The following RP1 variants were observed in gnomAD, a reference collection of about 807,000 sequenced individuals.
RP1 encodes the protein RP1 axonemal microtubule associated, also known as oxygen-regulated protein 1.
RP1 carries 16 observed loss-of-function variants against 14.8 expected under a neutral mutation model. The ratio of observed to expected loss-of-function variants is 1.08; its 90% CI spans 0.73 to 1.65. The LOEUF (loss-of-function observed/expected upper bound fraction) is 1.65. Ranked by LOEUF, RP1 falls within the 40% of genes most tolerant of loss-of-function variation. The pLI, the probability that RP1 is intolerant of heterozygous loss-of-function variation, is 0.00. For synonymous variants in RP1, 876 were observed against 883.6 expected, an observed-to-expected ratio of 0.99 and a Z score of 0.15; for missense variants, 2,631 against 2,535.0, an observed-to-expected ratio of 1.04 and a Z score of -0.81.
exon 7 of RP1, chr8:54,663,794 A>G (rs1412053068): frequency 2.0e-6 from 3 of 1,535,318 alleles, no homozygotes; most frequent in Non-Finnish European, 1.7e-6. Context: ...AAAGGGAGAT[A>G]CAGGATCCAG....
intron 24 of RP1, among the ~76,000 whole-genome samples, chr8:54,785,517 C>T (rs1810296612): frequency 6.6e-6 from 1 of 151,462 alleles, no homozygotes; most frequent in African/African-American, 2.4e-5. Flanking sequence ...TATTGTTTCA[C>T]TATGTATGTA....
chr8:54,574,323 A>T (rs1804596658), intron 1 of RP1, among the ~76,000 whole-genome samples: 1 of 152,144 alleles, frequency 6.6e-6, no homozygotes, highest in African/African-American at 2.4e-5. Flanking sequence ...CCTGGTAGCA[A>T]AGGCCTTTCT....
At chr8:54,867,469 T>G (rs1481022793) in intron 28 of RP1, among the ~76,000 whole-genome samples, 6 of 152,140 alleles carry the variant, frequency 3.9e-5, no homozygotes. Context: ...GCACCAGATT[T>G]GGATTATAAT....
chr8:54,829,997 T>C (rs1207866863), intron 24 of RP1, among the ~76,000 whole-genome samples: 1 of 152,070 alleles, frequency 6.6e-6, no homozygotes, highest in East Asian at 1.9e-4. Context: ...AAAAAAAGAG[T>C]ATGTATTCTG....
chr8:54,857,113 T>C (rs1378583616), intron 27 of RP1: 5 of 1,200,030 alleles, frequency 4.2e-6, no homozygotes, highest in Non-Finnish European at 5.2e-6. Flanking sequence ...CCAGGTAAGA[T>C]TTAGTTTCTT....
chr8:54,596,467 AT>A (rs1166872104), intron 1 of RP1, among the ~76,000 whole-genome samples: 1 of 152,226 alleles, frequency 6.6e-6, no homozygotes, highest in African/African-American at 2.4e-5. Context: ...ATCTTCTCTT[AT>A]TCTGATCCCT....
intron 27 of RP1, among the ~76,000 whole-genome samples, chr8:54,858,862 A>G (rs1812268942): frequency 6.6e-6 from 1 of 152,104 alleles, no homozygotes; most frequent in African/African-American, 2.4e-5. Context: ...GTCGCTGTAG[A>G]GTGATGTCAC....
At chr8:54,582,567 G>A (rs895862389) in intron 1 of RP1, among the ~76,000 whole-genome samples, 16 of 151,952 alleles carry the variant, frequency 1.1e-4, no homozygotes, top group Non-Finnish European at 1.6e-4. Flanking sequence ...GATGGGGATG[G>A]CATTGAATCT....
rs555978020 is a variant in RP1, at chr8:54,704,711, A to G, written c.1999-1732A>G. 2.0e-5 allele frequency among the ~76,000 whole-genome samples: 3 copies of G among 152,346 alleles called. No homozygotes were observed. In the East Asian group the frequency reaches 5.8e-4, roughly 29 times the overall value. ...AACAAGGTATGTGTGTACTTACAGT[A>G]TAATAAACACTTTCTCACATTACTA... On this transcript the variant is annotated intron_variant, in intron 14 of 22. Coordinates refer to the RP1 transcript ENST00000636932.
intron 1 of RP1, among the ~76,000 whole-genome samples, chr8:54,609,479 C>G (rs1472199719): frequency 6.6e-6 from 1 of 151,934 alleles, no homozygotes; most frequent in African/African-American, 2.4e-5. Flanking sequence ...AAACCGAAAC[C>G]AAAACAAAAC....
chr8:54,823,485 C>T (rs936207696), intron 24 of RP1, among the ~76,000 whole-genome samples: 6 of 152,072 alleles, frequency 3.9e-5, no homozygotes, highest in African/African-American at 1.4e-4. Context: ...CTTGTGGCAC[C>T]ACACCAGCTA....
At position 54,627,742 on chromosome 8, in the gene RP1, G is replaced by A. The variant is rs1806111985; in HGVS notation, c.3860G>A (p.Gly1287Asp). ...SDTFFPSDGY[G>D]VDQTSMNKAC... ...ACTTTTTTTCCTAGTGATGGTTATG[G>A]TGTGGATCAGACTTCTATGAATAAG... The change falls in exon 4 of 4, where the codon GGT (glycine) becomes GAT (aspartate). Residue 1287 changes from glycine (G) to aspartate (D), a missense_variant. Physicochemically the swap from Gly to Asp is moderately conservative, Grantham distance 94. Coordinates refer to ENST00000220676, the MANE Select transcript of RP1 (RefSeq NM_006269.2). The A allele has an allele frequency of 6.2e-7, 1 of 1,614,122 alleles. No individual in the cohort carries two copies. Among genetic ancestry groups the A allele is most frequent in the East Asian group, 2.2e-5 (1 of 44,892 alleles).
At chr8:54,569,822 A>G (rs1804482741) in intron 1 of RP1, among the ~76,000 whole-genome samples, 1 of 152,212 alleles carries the variant, frequency 6.6e-6, no homozygotes, top group South Asian at 2.1e-4. Context: ...ACATCATCAC[A>G]GACGACGTAC....
rs1809859000 is a variant in RP1, at chr8:54,769,836, A to G, written c.*23A>G. On this transcript the variant is annotated 3_prime_UTR_variant, in exon 23 of 23. Transcript: ENST00000636932. ...TGAAACCATCAGTAGAAGAAAGTACAAGATGATTTTGTTACATCTGGACAT... is the reference window on the plus strand; with the variant it reads ...TGAAACCATCAGTAGAAGAAAGTACGAGATGATTTTGTTACATCTGGACAT... 4 of 1,463,912 alleles carry G rather than the reference A, an allele frequency of 2.7e-6. No homozygotes were observed. In the South Asian group the frequency reaches 5.0e-5, roughly 18 times the overall value. 90.7% of individuals were successfully genotyped at this position (1,463,912 alleles called of 1,614,324 possible).
At chr8:54,715,914 G>A (rs1346433809) in intron 15 of RP1, among the ~76,000 whole-genome samples, 1 of 152,192 alleles carries the variant, frequency 6.6e-6, no homozygotes. Flanking sequence ...ATACGCCATA[G>A]TGTGCAAAGT....
intron 1 of RP1, among the ~76,000 whole-genome samples, chr8:54,559,796 G>A (rs1052599356): frequency 6.6e-6 from 1 of 152,118 alleles, no homozygotes; most frequent in Non-Finnish European, 1.5e-5. Flanking sequence ...CAGTTAGGAG[G>A]CTATGGAGAC....
At chr8:54,830,212 A>T (rs1811486360) in intron 24 of RP1, among the ~76,000 whole-genome samples, 1 of 151,902 alleles carries the variant, frequency 6.6e-6, no homozygotes, top group Admixed American at 6.6e-5. Flanking sequence ...CTCTATTAGT[A>T]GGTACCTTCA....
At chr8:54,821,121 A>G (rs1563386545) in intron 24 of RP1, among the ~76,000 whole-genome samples, 1 of 152,224 alleles carries the variant, frequency 6.6e-6, no homozygotes. Context: ...AAAGAGATAG[A>G]AAAATAGAAA....
At position 54,767,860 on chromosome 8, in the gene RP1, G is replaced by A. The variant is rs148650412; in HGVS notation, c.3249-1881G>A. 3.7e-3 allele frequency among the ~76,000 whole-genome samples: 561 copies of A among 152,344 alleles called. 3 individuals carry two copies. Among genetic ancestry groups the A allele is most frequent in the East Asian group, 6.6e-3 (34 of 5,184 alleles). On this transcript the variant is annotated intron_variant, in intron 22 of 22. Transcript: ENST00000636932. Reference sequence around the variant, plus strand: ...TGTTATTAGGCTCCAGAGGAGGAAAGAACACTGTGAGCTAAAGTGGTCAGA... The same window carrying A: ...TGTTATTAGGCTCCAGAGGAGGAAAAAACACTGTGAGCTAAAGTGGTCAGA...
Sources: gnomAD v4.1 joint callset for allele counts (sites outside exome capture counted in the v4.1 genomes callset) on GRCh38, gnomAD v4.1.1 for gene constraint, MANE v1.5 for transcripts, NCBI Gene and HGNC (gene_info 2026-07-23, HGNC 2026-07-21) for gene names.